The following DHX40 variants were observed in gnomAD, a reference collection of about 807,000 sequenced individuals.
DHX40 encodes probable ATP-dependent RNA helicase DHX40.
A neutral mutation model predicts 89.6 loss-of-function variants in DHX40; 28 were observed. The observed-to-expected ratio is 0.31, with a 90% CI of 0.23 to 0.43. The LOEUF (loss-of-function observed/expected upper bound fraction) is 0.43. Among genes scored for constraint, DHX40 ranks in the 20% least tolerant of loss-of-function variants. The probability of loss-of-function intolerance (pLI) is 1.00; values close to 1 mark genes in which losing one functional copy is unlikely to be tolerated. For synonymous variants in DHX40, 226 were observed against 283.6 expected, an observed-to-expected ratio of 0.80 and a Z score of 2.04; for missense variants, 457 against 844.0, an observed-to-expected ratio of 0.54 and a Z score of 5.68.
chr17:59,585,999 A>G (rs907604981), intron 10 of DHX40, among the ~76,000 whole-genome samples, 154 bp from the exon 11 acceptor site: 1 of 151,718 alleles, frequency 6.6e-6, no homozygotes, highest in Non-Finnish European at 1.5e-5. Flanking sequence ...TCTTTTGCCA[A>G]ATGCTGATCA....
At chr17:59,580,481 ACT>A (rs1228606953) in intron 10 of DHX40, among the ~76,000 whole-genome samples, 12 of 66,720 alleles carry the variant, frequency 1.8e-4, no homozygotes, top group African/African-American at 5.5e-4. Context: ...CTTAGTGACC[ACT>A]GTTTATTTGT....
At chr17:59,572,631 A>T (rs1325413384) in intron 3 of DHX40, among the ~76,000 whole-genome samples, 2 of 152,184 alleles carry the variant, frequency 1.3e-5, no homozygotes, top group Non-Finnish European at 2.9e-5. Context: ...CGCCCACCTC[A>T]GCAACCCAAA....
chr17:59,566,570 T>C, intron 1 of DHX40, 57 bp from the exon 2 acceptor site: 2 of 1,479,734 alleles, frequency 1.4e-6, no homozygotes, highest in East Asian at 2.5e-5. Context: ...TCATGAGAAA[T>C]TGAGTCAGAG....
In DHX40 at chr17:59,576,867, G is replaced by C. The variant is rs896816840; in HGVS notation, c.974-399G>C. ...ATGTTCTGGATTTTCTCTTGCCTCTGTTTTTTTTTTTTTGTTTTTTGAGAT... is the reference window on the plus strand; with the variant it reads ...ATGTTCTGGATTTTCTCTTGCCTCTCTTTTTTTTTTTTTGTTTTTTGAGAT... On this transcript the variant is annotated intron_variant, in intron 7 of 17. Transcript: ENST00000251241. Among the ~76,000 whole-genome samples the C allele has an allele frequency of 4.2e-5, 6 of 142,354 alleles. 1 individual carries two copies. In the East Asian group the frequency reaches 1.2e-3, roughly 29 times the overall value. The allele number at this position is 142,354 out of a possible 152,430, so 93.4% of individuals were successfully genotyped here.
intron 6 of DHX40, among the ~76,000 whole-genome samples, chr17:59,574,589 A>G (rs1388988686): frequency 1.3e-5 from 2 of 150,750 alleles, no homozygotes; most frequent in Non-Finnish European, 3.0e-5. Flanking sequence ...TGTCAAAGAC[A>G]TCAGGCTCAT....
In DHX40 at chr17:59,605,649, T is replaced by C; in HGVS notation, c.2175T>C (p.Asn725=). The change falls in exon 17 of 18, where the codon AAT becomes AAC. Residue 725 remains asparagine, a synonymous_variant. Transcript: ENST00000251241. ...VREDARRRWT[N]KENVKQLKDG... ...AAGATGCAAGAAGGAGATGGACAAA[T>C]AAGGAAAATGTAAAGCAGCTAAAGG... 6.2e-7 allele frequency: 1 copy of C among 1,612,952 alleles called. No homozygotes were observed. The highest frequency in any genetic ancestry group is 1.3e-5 in the African/African-American group (1 of 74,900).
intron 12 of DHX40, among the ~76,000 whole-genome samples, chr17:59,597,763 G>A (rs1290933009): frequency 1.3e-5 from 2 of 149,872 alleles, no homozygotes; most frequent in African/African-American, 4.9e-5. Flanking sequence ...GTGAAACCCC[G>A]TCTCTACTAA....
chr17:59,565,631 C>A lies in DHX40; in HGVS notation c.-41C>A. 6.4e-7 allele frequency: 1 copy of A among 1,566,290 alleles called. No individual in the cohort carries two copies. The highest frequency in any genetic ancestry group is 1.1e-5 in the South Asian group (1 of 88,526). ...CCTCGTCTTTCCCCTCCCATCTCCT[C>A]AGATCGGTGGACGTGCTCGCCTCCA... On this transcript the variant is annotated 5_prime_UTR_variant, in exon 1 of 18. Transcript: ENST00000251241.
Position 59,602,585 on chromosome 17 carries a change from T to C in DHX40, c.1870T>C (p.Cys624Arg). 6.2e-7 allele frequency: 1 copy of C among 1,613,934 alleles called. No individual in the cohort carries two copies. Among genetic ancestry groups the C allele is most frequent in the East Asian group, 2.2e-5 (1 of 44,860 alleles). The change falls in exon 15 of 18, where the codon TGT becomes CGT. Residue 624 changes from cysteine (C) to arginine (R), a missense_variant. This residue lies in a region of DHX40 where 32 missense variants were observed against 60.0 expected (regional missense o/e 0.53). Transcript: ENST00000251241. Reference sequence around the variant, plus strand: ...ACATGAAGTACTACGAAGATGTCTTTGTGCGGGCTATTTCAAAAATGTAGC... The same window carrying C: ...ACATGAAGTACTACGAAGATGTCTTCGTGCGGGCTATTTCAAAAATGTAGC... ...PKHEVLRRCL[C>R]AGYFKNVARR...
At chr17:59,571,637 C>T (rs2143215159) in intron 3 of DHX40, among the ~76,000 whole-genome samples, 1 of 150,898 alleles carries the variant, frequency 6.6e-6, no homozygotes, top group East Asian at 2.0e-4. Flanking sequence ...ATTGCCCGGG[C>T]TGGAGTGCAG....
intron 10 of DHX40, among the ~76,000 whole-genome samples, chr17:59,585,709 C>T (rs28575847): frequency 0.017 from 2,543 of 148,780 alleles, 63 homozygotes; most frequent in African/African-American, 0.056. Context: ...GGCAACAGAG[C>T]GAGACTCCAT....
At chr17:59,567,980 A>T (rs964422395) in intron 2 of DHX40, among the ~76,000 whole-genome samples, 7 of 152,090 alleles carry the variant, frequency 4.6e-5, no homozygotes, top group Non-Finnish European at 1.0e-4. Flanking sequence ...CAAGCCTGTA[A>T]TCCCAGCACT....
At chr17:59,605,696 C>G (rs755488620) in intron 17 of DHX40, 22 bp downstream of exon 17, 2 of 1,588,120 alleles carry the variant, frequency 1.3e-6, no homozygotes, top group Non-Finnish European at 1.7e-6. Context: ...ATTTGTTCTA[C>G]TCTTAACCAC....
At chr17:59,577,395 A>G (rs1441998862) in intron 8 of DHX40, 30 bp downstream of exon 8, 12 of 1,577,986 alleles carry the variant, frequency 7.6e-6, no homozygotes, top group Non-Finnish European at 9.6e-6. Flanking sequence ...TCTTAAAGTC[A>G]AGGAAGCCTA....
chr17:59,570,700 T>C, intron 3 of DHX40, 37 bp downstream of exon 3: 1 of 1,586,668 alleles, frequency 6.3e-7, no homozygotes, highest in Non-Finnish European at 8.6e-7. Context: ...TCTTTTCTTT[T>C]ATGGGACAGG....
At chr17:59,572,595 T>A (rs760650778) in intron 3 of DHX40, among the ~76,000 whole-genome samples, 1 of 152,130 alleles carries the variant, frequency 6.6e-6, no homozygotes, top group Non-Finnish European at 1.5e-5. Flanking sequence ...TCCAGGCTGG[T>A]CTCGAACTCC....
At chr17:59,595,074 A>AT (rs1567889397) in intron 12 of DHX40, among the ~76,000 whole-genome samples, 1 of 142,524 alleles carries the variant, frequency 7.0e-6, no homozygotes, top group East Asian at 2.2e-4. Flanking sequence ...TTATTTGTAG[A>AT]TTTTTTGTTT....
intron 10 of DHX40, among the ~76,000 whole-genome samples, chr17:59,585,445 G>A (rs2048979939): frequency 6.6e-6 from 1 of 150,970 alleles, no homozygotes; most frequent in Admixed American, 6.6e-5. Context: ...TTTTGAGGCT[G>A]GGTGCGGTGG....
rs1467309535 is a variant in DHX40 at position 59,588,350 on chromosome 17, A to G, written c.1582+297A>G. On this transcript the variant is annotated intron_variant, in intron 12 of 17. Transcript: ENST00000251241. The stretch of plus-strand genomic sequence containing the variant: ...ATTCATCCCCTCAACCTCCCACAGC[A>G]ATTTCTCCTATTAACATCTTTGATT... Among the ~76,000 whole-genome samples the G allele has an allele frequency of 2.0e-5, 3 of 151,340 alleles. No homozygotes were observed. The East Asian group carries it at 5.8e-4, about 29-fold the overall frequency.
Sources: gnomAD v4.1 joint callset for allele counts (sites outside exome capture counted in the v4.1 genomes callset) on GRCh38, gnomAD v4.1.1 for gene constraint, gnomAD v4.1.1 regional missense constraint, MANE v1.5 for transcripts, NCBI Gene and HGNC (gene_info 2026-07-23, HGNC 2026-07-21) for gene names.